The following ANKLE1 variants were observed in gnomAD, a reference collection of about 807,000 sequenced individuals.
ANKLE1 encodes structure-specific endonuclease ANKLE1.
ANKLE1 carries 59 observed loss-of-function variants against 56.2 expected under a neutral mutation model. The ratio of observed to expected loss-of-function variants is 1.05; its 90% CI spans 0.85 to 1.30. The LOEUF (loss-of-function observed/expected upper bound fraction) is 1.30, where lower values mean the gene tolerates loss of function less well. Ranked by LOEUF, ANKLE1 falls within the 50% of genes most tolerant of loss-of-function variation. ANKLE1 has a pLI of 0.00. For synonymous variants in ANKLE1, 341 were observed against 352.9 expected, an observed-to-expected ratio of 0.97 and a Z score of 0.38; for missense variants, 771 against 816.1, an observed-to-expected ratio of 0.94 and a Z score of 0.67.
chr19:17,283,247 C>T lies in ANKLE1; in HGVS notation c.483C>T (p.Thr161=), dbSNP rs749914587. 26 of 1,611,978 alleles carry T rather than the reference C, an allele frequency of 1.6e-5. No homozygotes were observed. The highest frequency in any genetic ancestry group is 6.7e-5 in the African/African-American group (5 of 74,870). ...CAGCCCCAGGCCTCTCTGGACCTAC[C>T]GATGAGACGCTGGACTCCATAGCAC... is the stretch of plus-strand genomic sequence containing the variant. ...APGTPGLSGP[T]DETLDSIALQ... Residue 161 remains threonine (T), a synonymous_variant, in exon 5 of 9, where the codon ACC becomes ACT. Transcript: ENST00000404085.
chr19:17,286,656 G>GTGTGTGTGTGTGTGTT lies in ANKLE1; in HGVS notation c.*119_*120insTTGTGTGTGTGTGTGT, dbSNP rs1309640966. The GTGTGTGTGTGTGTGTT allele has an allele frequency of 2.7e-5, 18 of 678,830 alleles. No homozygotes were observed. Among genetic ancestry groups the GTGTGTGTGTGTGTGTT allele is most frequent in the Admixed American group, 6.1e-5 (2 of 32,542 alleles). 42.1% of individuals were successfully genotyped at this position (678,830 alleles called of 1,614,324 possible). A position where few individuals can be genotyped will look rare whatever the true frequency, so the allele number is the denominator to read the frequency against. ...CTCTGGTTTCAGAAGGGGTGTGTGT[G>GTGTGTGTGTGTGTGTT]TGTGTGTGTGTGTGTGTGTGTGTGT... On this transcript the variant is annotated 3_prime_UTR_variant, in exon 9 of 9. Coordinates refer to ENST00000404085, the MANE Select transcript of ANKLE1 (RefSeq NM_152363.6).
rs1225857332 is a variant in ANKLE1 at position 17,282,909 on chromosome 19, G to T, written c.367G>T (p.Glu123Ter). 3 of 1,573,088 alleles carry T rather than the reference G, an allele frequency of 1.9e-6. No homozygotes were observed. Among genetic ancestry groups the T allele is most frequent in the Non-Finnish European group, 8.6e-7 (1 of 1,165,476 alleles). The change falls in exon 4 of 9, where the codon GAG becomes TAG. Residue 123 changes from glutamate (E) to a stop codon, truncating the protein, a stop_gained. Transcript: ENST00000404085. LOFTEE classifies it high-confidence loss of function. The part of the protein sequence containing the change: ...LDLALQQGHL[E>*]CARVLQDLDT... Reference sequence around the variant, plus strand: ...CCTGGCCCTGCAGCAGGGACACCTGGAGTGCGCGCGAGTCCTGCAGGATCT... The same window carrying T: ...CCTGGCCCTGCAGCAGGGACACCTGTAGTGCGCGCGAGTCCTGCAGGATCT...
In ANKLE1 at chr19:17,285,731, T is replaced by C; in HGVS notation, c.1587T>C (p.Ser529=). Residue 529 remains serine, a synonymous_variant, in exon 8 of 9, where the codon AGT becomes AGC. Coordinates refer to ENST00000404085, the MANE Select transcript of ANKLE1 (RefSeq NM_152363.6). ...KVRQILDIWA[S]GCGVVSLHCF... ...GTCAGATCTTGGACATCTGGGCCAG[T>C]GGTTGCGGTGTTGTGTCCCTACATT... is the stretch of plus-strand genomic sequence containing the variant. 1 of 1,613,920 alleles carries C rather than the reference T, an allele frequency of 6.2e-7. No homozygotes were observed. Among genetic ancestry groups the C allele is most frequent in the Non-Finnish European group, 8.5e-7 (1 of 1,179,872 alleles).
rs566365414 is a variant in ANKLE1 at position 17,286,482 on chromosome 19, G to A, written c.1778G>A (p.Arg593His). Residue 593 changes from arginine (R) to histidine (H), a missense_variant, in exon 9 of 9, where the codon CGT becomes CAT. By Grantham distance (29) the Arg-to-His change is conservative. Coordinates refer to ENST00000404085, the MANE Select transcript of ANKLE1 (RefSeq NM_152363.6). ...RRRLGVHLLH[R>H]ALLVFLAEGE... ...CGCTTGGGGGTGCACCTGCTGCACC[G>A]TGCCCTCCTTGTCTTCCTGGCTGAA... is the stretch of plus-strand genomic sequence containing the variant. 3.5e-5 allele frequency: 57 copies of A among 1,612,622 alleles called. No individual in the cohort carries two copies. The highest frequency in any genetic ancestry group is 1.1e-4 in the African/African-American group (8 of 75,036).
chr19:17,283,447 C>T lies in ANKLE1; in HGVS notation c.683C>T (p.Ser228Phe), dbSNP rs756320241. 3.1e-5 allele frequency: 50 copies of T among 1,613,204 alleles called. No individual in the cohort carries two copies. The highest frequency in any genetic ancestry group is 3.1e-5 in the Non-Finnish European group (37 of 1,179,656). The change falls in exon 5 of 9, where the codon TCT (serine) becomes TTT (phenylalanine). Residue 228 changes from serine to phenylalanine, a missense_variant. Physicochemically the swap from Ser to Phe is radical, Grantham distance 155 (BLOSUM62 -2). Transcript: ENST00000404085. ...DASFVTAVEVSGAEDPASDTP... is the reference protein window; with the variant it reads ...DASFVTAVEVFGAEDPASDTP... ...TCTTTCGTCACAGCGGTTGAGGTCT[C>T]TGGAGCTGAGGACCCAGCCTCGGAC...
At position 17,282,128 on chromosome 19, in the gene ANKLE1, A is replaced by G. The variant is rs766804036; in HGVS notation, c.134A>G (p.His45Arg). The change falls in exon 2 of 9, where the codon CAC (histidine) becomes CGC (arginine). Residue 45 changes from histidine (H) to arginine (R), a missense_variant. His to Arg is a conservative substitution (Grantham distance 29). Coordinates refer to ENST00000404085, the MANE Select transcript of ANKLE1 (RefSeq NM_152363.6). ...LVLEDGAAAVHLAAGARHPRG... is the reference protein window; with the variant it reads ...LVLEDGAAAVRLAAGARHPRG... ...CTAGAGGACGGCGCAGCGGCTGTGC[A>G]CTTGGCGGCCGGAGCCCGGCACCCG... The G allele has an allele frequency of 3.3e-5, 51 of 1,540,364 alleles. No individual in the cohort carries two copies. The East Asian group carries it at 4.7e-4, about 14-fold the overall frequency.
chr19:17,284,986 A>G (rs952562659), intron 6 of ANKLE1, among the ~76,000 whole-genome samples: 2 of 151,820 alleles, frequency 1.3e-5, no homozygotes, highest in Non-Finnish European at 2.9e-5. Flanking sequence ...CCGGCTGGCC[A>G]TGGTGGCTCA....
intron 2 of ANKLE1, 55 bp from the exon 3 acceptor site, chr19:17,282,601 G>C: frequency 6.7e-7 from 1 of 1,486,704 alleles, no homozygotes; most frequent in Non-Finnish European, 9.1e-7. Flanking sequence ...GCGGAGATCG[G>C]GGTTCCTGCC....
Position 17,282,554 on chromosome 19 carries a change from T to G in ANKLE1, c.216-102T>G, listed in dbSNP as rs1027206098. 1.6e-5 allele frequency: 20 copies of G among 1,220,384 alleles called. No individual in the cohort carries two copies. In the African/African-American group the frequency reaches 2.5e-4, roughly 16 times the overall value. The allele number at this position is 1,220,384 out of a possible 1,614,324, so 75.6% of individuals were successfully genotyped here. ...AGTGTACCAGGGTGGACGGCGGAGATCCGGGAGGCCGAGAACGAAGGCTCC... is the reference window on the plus strand; with the variant it reads ...AGTGTACCAGGGTGGACGGCGGAGAGCCGGGAGGCCGAGAACGAAGGCTCC... On this transcript the variant is annotated intron_variant, in intron 2 of 8. Transcript: ENST00000404085.
chr19:17,284,058 C>T (rs2074005906), intron 5 of ANKLE1, 31 bp from the exon 6 acceptor site: 10 of 1,609,890 alleles, frequency 6.2e-6, no homozygotes, highest in Non-Finnish European at 8.5e-6. Context: ...ATCTCAGAAT[C>T]ATCCCTTCCT....
Position 17,286,502 on chromosome 19 carries a change from GCT to G in ANKLE1, c.1799_1800del (p.Ala600GlyfsTer38). On this transcript the variant is annotated frameshift_variant, in exon 9 of 9. Coordinates refer to ENST00000404085, the MANE Select transcript of ANKLE1 (RefSeq NM_152363.6). LOFTEE classifies it high-confidence loss of function. ...LLHRALLVFL[A>X]EGERQLHPQD... The stretch of plus-strand genomic sequence containing the variant: ...GCACCGTGCCCTCCTTGTCTTCCTG[GCT>G]GAAGGCGAGCGACAGCTTCATCCCC... 6.2e-7 allele frequency: 1 copy of G among 1,612,224 alleles called. No homozygotes were observed.
intron 8 of ANKLE1, 99 bp from the exon 9 acceptor site, chr19:17,286,281 C>A: frequency 6.9e-7 from 1 of 1,445,006 alleles, no homozygotes; most frequent in Non-Finnish European, 9.2e-7. Flanking sequence ...GGATTACAGG[C>A]GTGAGCCACC....
chr19:17,283,186 C>G (rs1278719432), intron 4 of ANKLE1, 39 bp from the exon 5 acceptor site: 1 of 1,578,050 alleles, frequency 6.3e-7, no homozygotes, highest in Non-Finnish European at 8.6e-7. Flanking sequence ...CTGTCTCATC[C>G]CTCCTCCTCT....
Position 17,283,592 on chromosome 19 carries a change from G to A in ANKLE1, c.828G>A (p.Gln276=), listed in dbSNP as rs1473634873. ...GTEAELNARL[Q]ALTLTPPNAA... is the part of the protein sequence containing the mutation. Reference sequence around the variant, plus strand: ...AGGCAGAACTGAATGCCCGTCTGCAGGCCCTGACTCTGACCCCACCAAATG... The same window carrying A: ...AGGCAGAACTGAATGCCCGTCTGCAAGCCCTGACTCTGACCCCACCAAATG... The change falls in exon 5 of 9, where the codon CAG becomes CAA. Residue 276 remains glutamine (Q), a synonymous_variant. Coordinates refer to ENST00000404085, the MANE Select transcript of ANKLE1 (RefSeq NM_152363.6). 1.9e-6 allele frequency: 3 copies of A among 1,612,232 alleles called. No homozygotes were observed. The African/African-American group carries it at 4.0e-5, about 22-fold the overall frequency.
chr19:17,284,423 G>T (rs537577993), intron 6 of ANKLE1, among the ~76,000 whole-genome samples, 157 bp downstream of exon 6: 1 of 152,058 alleles, frequency 6.6e-6, no homozygotes, highest in African/African-American at 2.4e-5. Context: ...CACTCTTGTT[G>T]CCAAGGCAGG....
chr19:17,284,605 A>C (rs981527920), intron 6 of ANKLE1, among the ~76,000 whole-genome samples: 2 of 150,860 alleles, frequency 1.3e-5, no homozygotes, highest in Non-Finnish European at 2.9e-5. Flanking sequence ...GCTGGTCTCG[A>C]ACTCCTGACC....
chr19:17,283,545 G>T lies in ANKLE1; in HGVS notation c.781G>T (p.Val261Leu). 6.2e-7 allele frequency: 1 copy of T among 1,612,986 alleles called. No individual in the cohort carries two copies. Among genetic ancestry groups the T allele is most frequent in the Non-Finnish European group, 8.5e-7 (1 of 1,179,748 alleles). The change falls in exon 5 of 9, where the codon GTA (valine) becomes TTA (leucine). Residue 261 changes from valine to leucine, a missense_variant. Val to Leu is a conservative substitution (Grantham distance 32, BLOSUM62 1). Coordinates refer to ENST00000404085, the MANE Select transcript of ANKLE1 (RefSeq NM_152363.6). Reference protein sequence around the residue: ...LLHVVHANQRVPRSQGTEAEL... With the variant: ...LLHVVHANQRLPRSQGTEAEL... The stretch of plus-strand genomic sequence containing the variant: ...GCATGTTGTCCATGCCAACCAGAGG[G>T]TACCTAGGTCTCAGGGCACGGAGGC...
intron 3 of ANKLE1, 29 bp from the exon 4 acceptor site, chr19:17,282,835 G>GGC: frequency 6.3e-7 from 1 of 1,584,306 alleles, no homozygotes; most frequent in Non-Finnish European, 8.5e-7. Flanking sequence ...GAGGGCCTCG[G>GGC]GCGCCCCCTG....
At chr19:17,284,393 A>AT in intron 6 of ANKLE1, 127 bp downstream of exon 6, 1 of 963,194 alleles carries the variant, frequency 1.0e-6, no homozygotes, top group East Asian at 2.7e-5. Context: ...CTTTTTTTTT[A>AT]TTTTTTTAAG....
Sources: allele counts gnomAD v4.1 joint callset (sites outside exome capture counted in the v4.1 genomes callset), GRCh38; gene constraint gnomAD v4.1.1; transcripts MANE v1.5; gene names NCBI Gene and HGNC (gene_info 2026-07-23, HGNC 2026-07-21).